The following FRAS1 variants were observed in gnomAD, a reference collection of about 807,000 sequenced individuals.
FRAS1 encodes extracellular matrix organizing protein FRAS1.
In FRAS1, 290 loss-of-function variants were observed where a neutral mutation model predicts 435.2. The observed-to-expected ratio is 0.67, with a 90% CI of 0.61 to 0.73. The LOEUF is 0.73. Among genes scored for constraint, FRAS1 ranks in the 30% least tolerant of loss-of-function variants. The pLI is 0.00. For missense variants in FRAS1, 4,860 were observed against 5,001.5 expected, an observed-to-expected ratio of 0.97 and a Z score of 0.85; for synonymous variants, 1,800 against 1,851.0, an observed-to-expected ratio of 0.97 and a Z score of 0.71.
At chr4:78,224,040 CT>C (rs1214697134) in intron 2 of FRAS1, among the ~76,000 whole-genome samples, 2 of 152,122 alleles carry the variant, frequency 1.3e-5, no homozygotes, top group Non-Finnish European at 2.9e-5. Context: ...AACTTAAGAT[CT>C]TAGGAAGATA....
intron 9 of FRAS1, among the ~76,000 whole-genome samples, chr4:78,271,689 C>A (rs1726700481): frequency 6.6e-6 from 1 of 152,124 alleles, no homozygotes; most frequent in Non-Finnish European, 1.5e-5. Flanking sequence ...GTATATGTGC[C>A]ACATTTTCTT....
At chr4:78,286,114 A>G (rs1215392434) in intron 13 of FRAS1, 4 of 480,450 alleles carry the variant, frequency 8.3e-6, no homozygotes, top group Non-Finnish European at 1.6e-5. Context: ...ACCATGGGCA[A>G]GTTGTTTAAT....
At chr4:78,302,163 G>A (rs1288720722) in intron 14 of FRAS1, among the ~76,000 whole-genome samples, 1 of 147,436 alleles carries the variant, frequency 6.8e-6, no homozygotes, top group African/African-American at 2.7e-5. Context: ...TTTCATCCAT[G>A]TCCCTACAAA....
At chr4:78,398,090 C>T (rs1394922884) in intron 29 of FRAS1, among the ~76,000 whole-genome samples, 3 of 149,708 alleles carry the variant, frequency 2.0e-5, no homozygotes, top group Non-Finnish European at 3.0e-5. Flanking sequence ...GAGCTGGAAT[C>T]TCTTATTCTG....
chr4:78,489,968 C>CAAAAAAAAAAAAAAAAAAAAA (rs61568957), intron 59 of FRAS1, among the ~76,000 whole-genome samples: 4 of 92,592 alleles, frequency 4.3e-5, no homozygotes, highest in Non-Finnish European at 6.2e-5. Context: ...TAGTGGAAAA[C>CAAAAAAAAAAAAAAAAAAAAA]AAAAAAAAAA....
At chr4:78,330,236 C>T (rs1290538943) in intron 18 of FRAS1, among the ~76,000 whole-genome samples, 1 of 152,164 alleles carries the variant, frequency 6.6e-6, no homozygotes, top group Non-Finnish European at 1.5e-5. Flanking sequence ...GGACACTCAT[C>T]ACTTCCCCAA....
chr4:78,380,143 T>G, intron 27 of FRAS1, 147 bp downstream of exon 27: 1 of 850,544 alleles, frequency 1.2e-6, no homozygotes, highest in Non-Finnish European at 1.8e-6. Context: ...TACTCTCAGC[T>G]GCCTGTCATC....
At chr4:78,182,557 T>C (rs1722063873) in intron 2 of FRAS1, among the ~76,000 whole-genome samples, 1 of 152,160 alleles carries the variant, frequency 6.6e-6, no homozygotes, top group Admixed American at 6.5e-5. Flanking sequence ...AGTTTAAGTC[T>C]GAGATACTTG....
intron 14 of FRAS1, among the ~76,000 whole-genome samples, chr4:78,287,435 A>T (rs1470987398): frequency 6.6e-6 from 1 of 152,202 alleles, no homozygotes; most frequent in Non-Finnish European, 1.5e-5. Context: ...ATGTGCCCAG[A>T]AACTAAGGCA....
chr4:78,199,669 A>C (rs1354912932), intron 2 of FRAS1, among the ~76,000 whole-genome samples: 1 of 152,224 alleles, frequency 6.6e-6, no homozygotes, highest in Non-Finnish European at 1.5e-5. Context: ...TCGTGAGAAG[A>C]CCTGCTGACT....
intron 2 of FRAS1, among the ~76,000 whole-genome samples, chr4:78,190,545 C>G (rs992032653): frequency 7.2e-5 from 11 of 151,740 alleles, no homozygotes; most frequent in African/African-American, 2.4e-4. Flanking sequence ...CACCTATCCT[C>G]TTTTCCTCCT....
At chr4:78,060,957 A>G (rs1351626867) in intron 1 of FRAS1, among the ~76,000 whole-genome samples, 1 of 151,586 alleles carries the variant, frequency 6.6e-6, no homozygotes, top group Non-Finnish European at 1.5e-5. Flanking sequence ...AGCGATTCTC[A>G]TGTCTCACCC....
intron 22 of FRAS1, among the ~76,000 whole-genome samples, chr4:78,369,052 G>C (rs1163603793): frequency 6.6e-6 from 1 of 152,232 alleles, no homozygotes; most frequent in South Asian, 2.1e-4. Context: ...CCAATTAGGA[G>C]GCTGTGATAG....
intron 12 of FRAS1, 132 bp from the exon 13 acceptor site, chr4:78,284,273 C>A: frequency 7.7e-6 from 2 of 261,278 alleles, no homozygotes; most frequent in Non-Finnish European, 7.0e-6. Context: ...AGGCTTTTTC[C>A]TAAGTCCCAC....
At chr4:78,309,200 C>T (rs1451010318) in intron 15 of FRAS1, among the ~76,000 whole-genome samples, 1 of 152,150 alleles carries the variant, frequency 6.6e-6, no homozygotes, top group Non-Finnish European at 1.5e-5. Context: ...ACCCCTGGAG[C>T]GTCCAGGCAA....
chr4:78,297,656 A>G (rs1728198596), intron 14 of FRAS1, among the ~76,000 whole-genome samples: 2 of 152,172 alleles, frequency 1.3e-5, no homozygotes, highest in Non-Finnish European at 2.9e-5. Flanking sequence ...CAAATAAATT[A>G]TCTGTTACAT....
At chr4:78,500,419 G>T (rs966123402) in intron 61 of FRAS1, among the ~76,000 whole-genome samples, 1 of 152,158 alleles carries the variant, frequency 6.6e-6, no homozygotes, top group Non-Finnish European at 1.5e-5. Context: ...TGGCGTTCAG[G>T]TCATAGATCA....
At chr4:78,267,106 G>T in intron 8 of FRAS1, 135 bp from the exon 9 acceptor site, 1 of 959,312 alleles carries the variant, frequency 1.0e-6, no homozygotes, top group Non-Finnish European at 1.6e-6. Context: ...AGGTGCAAGG[G>T]ACCCTGCCCA....
chr4:78,530,672 G>A (rs1721683657), intron 70 of FRAS1, among the ~76,000 whole-genome samples: 1 of 152,062 alleles, frequency 6.6e-6, no homozygotes, highest in Non-Finnish European at 1.5e-5. Context: ...GATTACTGAG[G>A]CCTCTGTTCT....
Sources: gnomAD v4.1 joint callset for allele counts (sites outside exome capture counted in the v4.1 genomes callset) on GRCh38, gnomAD v4.1.1 for gene constraint, MANE v1.5 for transcripts, NCBI Gene and HGNC (gene_info 2026-07-23, HGNC 2026-07-21) for gene names.